The following USP8 variants were observed in gnomAD, a reference collection of about 807,000 sequenced individuals.
USP8 encodes ubiquitin specific peptidase 8.
A neutral mutation model predicts 130.0 loss-of-function variants in USP8; 27 were observed. The ratio of observed to expected loss-of-function variants is 0.21; its 90% CI spans 0.15 to 0.29. The LOEUF is 0.29. USP8 is among the 10% of genes least tolerant of loss of function. The pLI is 1.00. For missense variants in USP8, 1,029 were observed against 1,312.2 expected, an observed-to-expected ratio of 0.78 and a Z score of 3.33; for synonymous variants, 392 against 444.1, an observed-to-expected ratio of 0.88 and a Z score of 1.48.
At chr15:50,482,122 T>G in intron 11 of USP8, 57 bp downstream of exon 11, 1 of 1,423,508 alleles carries the variant, frequency 7.0e-7, no homozygotes, top group Non-Finnish European at 9.3e-7. Context: ...TATGAAAATG[T>G]GAAAACACCA....
At chr15:50,477,056 C>T in intron 9 of USP8, 63 bp downstream of exon 9, 1 of 1,570,756 alleles carries the variant, frequency 6.4e-7, no homozygotes, top group Non-Finnish European at 8.6e-7. Flanking sequence ...AATTGTTTTC[C>T]CGGTAACATT....
intron 7 of USP8, chr15:50,467,243 A>C: frequency 6.1e-6 from 1 of 163,656 alleles, no homozygotes; most frequent in African/African-American, 2.4e-5. Flanking sequence ...CTGTATTAAT[A>C]GAGAGCTGGT....
At chr15:50,495,304 GTGTAT>G (rs2052345644) in intron 16 of USP8, among the ~76,000 whole-genome samples, 1 of 55,214 alleles carries the variant, frequency 1.8e-5, no homozygotes, top group African/African-American at 5.0e-5. Flanking sequence ...ACATATATAC[GTGTAT>G]ATATACATAC....
At chr15:50,443,725 G>A (rs949379301) in intron 3 of USP8, among the ~76,000 whole-genome samples, 1 of 151,852 alleles carries the variant, frequency 6.6e-6, no homozygotes, top group Admixed American at 6.6e-5. Flanking sequence ...CTCATGATCC[G>A]CCTGCCTCTG....
At chr15:50,496,680 A>T (rs1051031797) in intron 17 of USP8, among the ~76,000 whole-genome samples, 8 of 152,182 alleles carry the variant, frequency 5.3e-5, no homozygotes, top group African/African-American at 1.9e-4. Context: ...CTGTTGACTA[A>T]CTTAGGCCTA....
chr15:50,478,880 C>T (rs2051663083), intron 10 of USP8, among the ~76,000 whole-genome samples: 1 of 151,938 alleles, frequency 6.6e-6, no homozygotes, highest in African/African-American at 2.4e-5. Flanking sequence ...CATGGTGAAA[C>T]CCCATCTCTA....
In USP8 at chr15:50,511,503, A is replaced by T. The variant is rs944374784; in HGVS notation, c.*12415A>T. 1 of 152,250 alleles carries T rather than the reference A, an allele frequency of 6.6e-6. No homozygotes were observed. Among genetic ancestry groups the T allele is most frequent in the East Asian group, 1.9e-4 (1 of 5,206 alleles). The allele number at this position is 152,250 out of a possible 1,614,324, so 9.4% of individuals were successfully genotyped here. A position where few individuals can be genotyped will look rare whatever the true frequency, so the allele number is the denominator to read the frequency against. On this transcript the variant is annotated 3_prime_UTR_variant, in exon 20 of 20. Transcript: ENST00000307179. ...CATAGCAGCATTACTGATGACAGCC[A>T]AAAGTGGAAACAAGCCAAATGTCCA...
At chr15:50,470,226 T>C (rs924891817) in intron 7 of USP8, among the ~76,000 whole-genome samples, 21 of 152,202 alleles carry the variant, frequency 1.4e-4, no homozygotes, top group African/African-American at 5.1e-4. Flanking sequence ...AAATTGTCTT[T>C]GGAGCTTTTA....
rs1299518391 is a variant in USP8 at position 50,509,362 on chromosome 15, G to C, written c.*10274G>C. ...CAATAGTAAGATTTAGAGAATAAGA[G>C]ACAAGGCGGCCGGGCGCGGTGGCTC... is the stretch of plus-strand genomic sequence containing the variant. On this transcript the variant is annotated 3_prime_UTR_variant, in exon 20 of 20. Coordinates refer to ENST00000307179, the MANE Select transcript of USP8 (RefSeq NM_005154.5). 1 of 150,498 alleles carries C rather than the reference G, an allele frequency of 6.6e-6. No homozygotes were observed. Among genetic ancestry groups the C allele is most frequent in the African/African-American group, 2.4e-5 (1 of 40,944 alleles). The allele number at this position is 150,498 out of a possible 1,614,324, so 9.3% of individuals were successfully genotyped here. A position where few individuals can be genotyped will look rare whatever the true frequency, so the allele number is the denominator to read the frequency against.
chr15:50,430,401 G>A (rs969879411), intron 1 of USP8, among the ~76,000 whole-genome samples: 1 of 151,844 alleles, frequency 6.6e-6, no homozygotes, highest in African/African-American at 2.4e-5. Flanking sequence ...TTTTCTCATG[G>A]CATTCTAAGA....
chr15:50,459,357 G>A (rs2141278201), intron 5 of USP8, among the ~76,000 whole-genome samples, 195 bp downstream of exon 5: 1 of 152,330 alleles, frequency 6.6e-6, no homozygotes, highest in South Asian at 2.1e-4. Context: ...GCCGAGGCGG[G>A]CAGATCACTT....
rs569435481 is a variant in USP8 at position 50,473,818 on chromosome 15, A to AT, written c.849+2024dup. ...TGGGCATCTAAGTATATATATATAT[A>AT]TATTTTTTTAATTTAATTTAATTTT... On this transcript the variant is annotated intron_variant, in intron 8 of 19. Transcript: ENST00000307179. Among the ~76,000 whole-genome samples, 1,197 of 149,400 alleles carry AT rather than the reference A, an allele frequency of 8.0e-3. 9 individuals carry two copies. The highest frequency in any genetic ancestry group is 0.019 in the African/African-American group (775 of 40,904).
chr15:50,424,688 C>G, intron 1 of USP8, 174 bp downstream of exon 1: 1 of 394,376 alleles, frequency 2.5e-6, no homozygotes, highest in East Asian at 3.6e-5. Context: ...AAGGCCCAAC[C>G]TTGAGTCTTT....
At chr15:50,441,969 CTTTTTTTTTT>C (rs1011150634) in intron 3 of USP8, among the ~76,000 whole-genome samples, 1 of 81,438 alleles carries the variant, frequency 1.2e-5, no homozygotes, top group Non-Finnish European at 2.2e-5. Context: ...CTCCCTAAAT[CTTTTTTTTTT>C]TTTTTTTTTT....
intron 1 of USP8, among the ~76,000 whole-genome samples, chr15:50,428,271 C>T (rs2049811402): frequency 6.6e-6 from 1 of 152,146 alleles, no homozygotes; most frequent in Non-Finnish European, 1.5e-5. Context: ...CATATGCCGC[C>T]ACGCCCAGCT....
At chr15:50,472,245 A>G (rs1428777847) in intron 8 of USP8, among the ~76,000 whole-genome samples, 3 of 151,962 alleles carry the variant, frequency 2.0e-5, no homozygotes, top group African/African-American at 7.3e-5. Context: ...CAGGTTTAAA[A>G]GATTTGTTTT....
intron 5 of USP8, among the ~76,000 whole-genome samples, chr15:50,460,346 G>A (rs1343684782): frequency 8.0e-5 from 10 of 125,532 alleles, no homozygotes; most frequent in Non-Finnish European, 1.4e-4. Context: ...TTACTCTGTC[G>A]CTCAGGCTGG....
In USP8 at chr15:50,481,595, T is replaced by C; in HGVS notation, c.1333T>C (p.Ser445Pro). 6.2e-7 allele frequency: 1 copy of C among 1,614,128 alleles called. No homozygotes were observed. The highest frequency in any genetic ancestry group is 8.5e-7 in the Non-Finnish European group (1 of 1,180,012). Residue 445 changes from serine to proline, a missense_variant, in exon 11 of 20, where the codon TCC (serine) becomes CCC (proline). Physicochemically the swap from Ser to Pro is moderately conservative, Grantham distance 74. Coordinates refer to ENST00000307179, the MANE Select transcript of USP8 (RefSeq NM_005154.5). ...PQSGKVIPDR[S>P]TKPVVFSPTL... ...GAGTGGAAAAGTTATTCCTGATCGT[T>C]CCACCAAGCCAGTAGTTTTTTCTCC...
intron 8 of USP8, 117 bp from the exon 9 acceptor site, chr15:50,476,732 C>T: frequency 8.9e-7 from 1 of 1,129,828 alleles, no homozygotes; most frequent in African/African-American, 1.6e-5. Context: ...CTCATTTTGT[C>T]ATTATTTAGA....
Sources: allele counts gnomAD v4.1 joint callset (sites outside exome capture counted in the v4.1 genomes callset), GRCh38; gene constraint gnomAD v4.1.1; transcripts MANE v1.5; gene names NCBI Gene and HGNC (gene_info 2026-07-23, HGNC 2026-07-21).